Variants in CTNNA3 observed in about 807,000 individuals in gnomAD.
The protein encoded by CTNNA3 is catenin alpha 3, also known as catenin alpha-3.
In CTNNA3, 76 loss-of-function variants were observed where a neutral mutation model predicts 95.7. The observed-to-expected ratio is 0.79, with a 90% CI of 0.66 to 0.96. The LOEUF (loss-of-function observed/expected upper bound fraction) is 0.96, where lower values mean the gene tolerates loss of function less well. Among genes scored for constraint, CTNNA3 ranks in the 40% least tolerant of loss-of-function variants. CTNNA3 has a pLI of 0.00. For missense variants in CTNNA3, 1,191 were observed against 1,089.8 expected (o/e 1.09, Z -1.31); for synonymous variants, 431 against 374.4 (o/e 1.15, Z -1.74).
chr10:66,912,087 T>G (rs899195939), intron 7 of CTNNA3, among the ~76,000 whole-genome samples: 1 of 152,212 alleles, frequency 6.6e-6, no homozygotes, highest in African/African-American at 2.4e-5. Context: ...TTACCAGATT[T>G]TGCATACAGG....
chr10:67,228,336 C>G (rs999396007), intron 5 of CTNNA3, among the ~76,000 whole-genome samples: 2 of 152,082 alleles, frequency 1.3e-5, no homozygotes, highest in African/African-American at 4.8e-5. Flanking sequence ...GGAGATAGGC[C>G]AAGCACAGTG....
At chr10:66,208,252 C>T (rs1009418507) in intron 13 of CTNNA3, among the ~76,000 whole-genome samples, 14 of 151,980 alleles carry the variant, frequency 9.2e-5, no homozygotes, top group African/African-American at 3.4e-4. Context: ...TTTGTAGCTA[C>T]TCAAACAAGG....
intron 17 of CTNNA3, among the ~76,000 whole-genome samples, chr10:65,950,335 T>C (rs998192557): frequency 1.3e-5 from 2 of 152,198 alleles, no homozygotes; most frequent in Non-Finnish European, 2.9e-5. Flanking sequence ...AGTTCTGCCT[T>C]ATACATGCCT....
At chr10:67,402,502 T>C (rs911289974) in intron 5 of CTNNA3, among the ~76,000 whole-genome samples, 5 of 152,074 alleles carry the variant, frequency 3.3e-5, no homozygotes, top group African/African-American at 4.8e-5. Flanking sequence ...AGTGAGTAAA[T>C]ACAGCACCTT....
At chr10:67,725,087 A>C (rs965514754) in intron 1 of CTNNA3, among the ~76,000 whole-genome samples, 3 of 152,016 alleles carry the variant, frequency 2.0e-5, no homozygotes, top group Non-Finnish European at 2.9e-5. Context: ...CAGGGTATAC[A>C]CTATTTGATA....
Position 66,870,903 on chromosome 10 carries a change from G to C in CTNNA3, c.1048-95379C>G, listed in dbSNP as rs572535832. 1.6e-3 allele frequency among the ~76,000 whole-genome samples: 244 copies of C among 152,184 alleles called. 1 individual carries two copies. The highest frequency in any genetic ancestry group is 5.6e-3 in the South Asian group (27 of 4,808). On this transcript the variant is annotated intron_variant, in intron 7 of 17. Coordinates refer to ENST00000433211, the MANE Select transcript of CTNNA3 (RefSeq NM_013266.4). ...TTTGGAACACCCTCACCATTGTCCT[G>C]AGGAGTCTACACAGAGCTAAAAAAC...
intron 5 of CTNNA3, among the ~76,000 whole-genome samples, chr10:67,378,024 C>T (rs181876768): frequency 1.5e-3 from 229 of 152,190 alleles, no homozygotes; most frequent in Middle Eastern, 3.4e-3. Flanking sequence ...GGACTACAGG[C>T]GCATGCCACA....
intron 7 of CTNNA3, among the ~76,000 whole-genome samples, chr10:67,157,085 A>G (rs552563718): frequency 7.5e-4 from 114 of 152,294 alleles, no homozygotes; most frequent in African/African-American, 1.5e-3. Flanking sequence ...ACATAGTACT[A>G]TAAGTCCTAG....
intron 13 of CTNNA3, among the ~76,000 whole-genome samples, chr10:66,188,762 G>T (rs910332073): frequency 2.0e-5 from 3 of 151,856 alleles, no homozygotes; most frequent in Non-Finnish European, 4.4e-5. Context: ...CAGATTGCTC[G>T]GTCATATTGT....
intron 7 of CTNNA3, among the ~76,000 whole-genome samples, chr10:66,820,222 A>G (rs141580173): frequency 6.6e-6 from 1 of 152,296 alleles, no homozygotes; most frequent in African/African-American, 2.4e-5. Context: ...ATTACGCTAA[A>G]TGAAAGAAGC....
At chr10:67,194,903 T>C (rs915737149) in intron 6 of CTNNA3, among the ~76,000 whole-genome samples, 4 of 151,892 alleles carry the variant, frequency 2.6e-5, no homozygotes, top group African/African-American at 9.7e-5. Flanking sequence ...AAGAAAAAAA[T>C]TAGTATTACA....
chr10:66,171,384 A>G (rs936223577), intron 13 of CTNNA3, among the ~76,000 whole-genome samples: 3 of 151,366 alleles, frequency 2.0e-5, no homozygotes, highest in African/African-American at 7.3e-5. Context: ...CATCTCTACT[A>G]AAAAATAAAA....
chr10:66,518,302 C>A (rs566447826), intron 11 of CTNNA3, among the ~76,000 whole-genome samples: 1 of 152,198 alleles, frequency 6.6e-6, no homozygotes, highest in Non-Finnish European at 1.5e-5. Context: ...TCTAATCATG[C>A]AAAGATTGGT....
intron 1 of CTNNA3, chr10:67,750,336 T>C: frequency 6.6e-7 from 1 of 1,522,830 alleles, no homozygotes; most frequent in Non-Finnish European, 9.1e-7. Flanking sequence ...ATTGTGGGCC[T>C]GGGCACTTGG....
At chr10:67,044,843 AG>A (rs1433101492) in intron 7 of CTNNA3, among the ~76,000 whole-genome samples, 2 of 152,200 alleles carry the variant, frequency 1.3e-5, no homozygotes, top group Non-Finnish European at 2.9e-5. Flanking sequence ...AAGTAACCTC[AG>A]CTCTGCCACT....
chr10:67,633,739 G>T (rs963630200), intron 2 of CTNNA3, among the ~76,000 whole-genome samples: 2 of 152,126 alleles, frequency 1.3e-5, no homozygotes, highest in African/African-American at 4.8e-5. Flanking sequence ...TGAGCTTGAA[G>T]ACTATCTTGC....
intron 5 of CTNNA3, among the ~76,000 whole-genome samples, chr10:67,485,467 A>G (rs1848408740): frequency 6.6e-6 from 1 of 152,194 alleles, no homozygotes. Context: ...ATGTACATGT[A>G]CAAACCTGCA....
intron 7 of CTNNA3, among the ~76,000 whole-genome samples, chr10:66,834,418 A>C (rs1291602634): frequency 6.6e-6 from 1 of 152,242 alleles, no homozygotes; most frequent in African/African-American, 2.4e-5. Flanking sequence ...ATACTTTCAT[A>C]GATATCATTG....
At chr10:66,042,466 A>G (rs1407261776) in intron 15 of CTNNA3, among the ~76,000 whole-genome samples, 1 of 152,134 alleles carries the variant, frequency 6.6e-6, no homozygotes, top group Admixed American at 6.6e-5. Context: ...AGAAAAAGAA[A>G]TGACTGAGAG....
Sources: gnomAD v4.1 joint callset for allele counts (sites outside exome capture counted in the v4.1 genomes callset) on GRCh38, gnomAD v4.1.1 for gene constraint, MANE v1.5 for transcripts, NCBI Gene and HGNC (gene_info 2026-07-23, HGNC 2026-07-21) for gene names.